The following FRS2 variants were observed in gnomAD, a reference collection of about 807,000 sequenced individuals.
FRS2 encodes the protein FGFR signalling adaptor.
FRS2 carries 8 observed loss-of-function variants against 43.9 expected under a neutral mutation model. The observed-to-expected ratio is 0.18, with a 90% confidence interval of 0.11 to 0.33. The LOEUF is 0.33. Ranked by LOEUF, FRS2 falls within the 10% of genes least tolerant of loss-of-function variation. The probability of loss-of-function intolerance (pLI) is 1.00; values close to 1 mark genes in which losing one functional copy is unlikely to be tolerated. For synonymous variants in FRS2, 219 were observed against 220.3 expected (o/e 0.99, Z 0.05); for missense variants, 534 against 627.6 (o/e 0.85, Z 1.59).
intron 1 of FRS2, among the ~76,000 whole-genome samples, chr12:69,527,800 T>G (rs910804369): frequency 6.6e-6 from 1 of 152,186 alleles, no homozygotes; most frequent in Non-Finnish European, 1.5e-5. Context: ...GATTTCTAAA[T>G]GAGTGGGAGC....
At chr12:69,515,509 A>AGAGG (rs1168038727) in intron 1 of FRS2, among the ~76,000 whole-genome samples, 1 of 152,124 alleles carries the variant, frequency 6.6e-6, no homozygotes, top group Non-Finnish European at 1.5e-5. Flanking sequence ...ACATAAAAGG[A>AGAGG]GAGGGGATAT....
At chr12:69,569,867 A>G (rs1463569402) in intron 5 of FRS2, among the ~76,000 whole-genome samples, 1 of 152,154 alleles carries the variant, frequency 6.6e-6, no homozygotes, top group East Asian at 1.9e-4. Context: ...CTCTGTGCCA[A>G]TCTATTTTGG....
At chr12:69,485,600 A>G (rs1363811144) in intron 1 of FRS2, among the ~76,000 whole-genome samples, 1 of 152,100 alleles carries the variant, frequency 6.6e-6, no homozygotes, top group Non-Finnish European at 1.5e-5. Flanking sequence ...TTCCTGCCTC[A>G]GCCTCCTGAG....
intron 1 of FRS2, among the ~76,000 whole-genome samples, chr12:69,471,532 A>G (rs1870295028): frequency 6.6e-6 from 1 of 152,236 alleles, no homozygotes; most frequent in African/African-American, 2.4e-5. Flanking sequence ...GTGGGCAGAG[A>G]TGTTTTGTTT....
intron 3 of FRS2, among the ~76,000 whole-genome samples, chr12:69,538,197 T>TTATATATATATTTATATATATATA (rs1555189566): frequency 2.4e-5 from 2 of 81,638 alleles, no homozygotes; most frequent in African/African-American, 1.1e-4. Flanking sequence ...AAAACAAATT[T>TTATATATATATTTATATATATATA]TATATATATA....
At chr12:69,545,321 G>C (rs1196389254) in intron 3 of FRS2, among the ~76,000 whole-genome samples, 2 of 152,074 alleles carry the variant, frequency 1.3e-5, no homozygotes, top group Non-Finnish European at 2.9e-5. Context: ...ACTCTCAATA[G>C]CTAAAACAAT....
intron 1 of FRS2, among the ~76,000 whole-genome samples, chr12:69,511,789 G>A (rs1202826438): frequency 6.6e-6 from 1 of 152,196 alleles, no homozygotes; most frequent in Non-Finnish European, 1.5e-5. Flanking sequence ...AATGGGCACA[G>A]TGTTAGTAGT....
intron 3 of FRS2, among the ~76,000 whole-genome samples, chr12:69,533,980 A>G (rs1877046477): frequency 6.6e-6 from 1 of 152,182 alleles, no homozygotes; most frequent in South Asian, 2.1e-4. Context: ...AATAGTAACC[A>G]CTTGGCTTAC....
chr12:69,487,692 A>G (rs1429380208), intron 1 of FRS2, among the ~76,000 whole-genome samples: 1 of 152,248 alleles, frequency 6.6e-6, no homozygotes, highest in Non-Finnish European at 1.5e-5. Flanking sequence ...ATTTTGTAAC[A>G]CTATAGGTGC....
intron 1 of FRS2, among the ~76,000 whole-genome samples, chr12:69,480,793 C>G (rs1592911038): frequency 6.6e-6 from 1 of 152,086 alleles, no homozygotes; most frequent in Admixed American, 6.6e-5. Flanking sequence ...AATATACTTA[C>G]TTTACATTTT....
intron 1 of FRS2, chr12:69,486,230 A>G (rs1480465326): frequency 6.7e-6 from 1 of 150,202 alleles, no homozygotes; most frequent in Non-Finnish European, 1.5e-5. Context: ...CCCTGTATTC[A>G]GAATTCTGTA....
chr12:69,509,849 G>T (rs1328939635), intron 1 of FRS2, among the ~76,000 whole-genome samples: 1 of 152,120 alleles, frequency 6.6e-6, no homozygotes, highest in Admixed American at 6.5e-5. Flanking sequence ...GTCTCAGGAA[G>T]GGTCAGTCAT....
intron 1 of FRS2, among the ~76,000 whole-genome samples, chr12:69,496,202 C>T (rs1228036037): frequency 1.3e-5 from 2 of 151,892 alleles, no homozygotes; most frequent in Non-Finnish European, 2.9e-5. Context: ...TGTGGGAGGC[C>T]GAGGCGGGCG....
chr12:69,535,886 C>T (rs1475803170), intron 3 of FRS2, among the ~76,000 whole-genome samples: 1 of 151,740 alleles, frequency 6.6e-6, no homozygotes, highest in Non-Finnish European at 1.5e-5. Context: ...TGAATGTATG[C>T]TATTAAGTAC....
At chr12:69,551,187 C>G (rs1367377253) in intron 3 of FRS2, among the ~76,000 whole-genome samples, 3 of 152,202 alleles carry the variant, frequency 2.0e-5, no homozygotes, top group African/African-American at 7.2e-5. Context: ...CTTGTCTCTA[C>G]AAAACATTTA....
chr12:69,551,990 A>T (rs902242018), intron 3 of FRS2, among the ~76,000 whole-genome samples: 61 of 152,142 alleles, frequency 4.0e-4, no homozygotes, highest in African/African-American at 1.4e-3. Context: ...TCTCAGTGGT[A>T]TATAAAATAT....
intron 3 of FRS2, among the ~76,000 whole-genome samples, chr12:69,549,964 TCTTA>T (rs1463273319): frequency 6.6e-6 from 1 of 152,172 alleles, no homozygotes; most frequent in East Asian, 1.9e-4. Context: ...CTGCTGTAGG[TCTTA>T]CTTTTCTTCA....
At chr12:69,484,360 A>G (rs974938816) in intron 1 of FRS2, among the ~76,000 whole-genome samples, 9 of 152,266 alleles carry the variant, frequency 5.9e-5, no homozygotes, top group African/African-American at 2.2e-4. Context: ...CTGGGATTAC[A>G]AGTCTGAGCC....
At chr12:69,516,807 C>T (rs750050121) in intron 1 of FRS2, among the ~76,000 whole-genome samples, 60 of 151,976 alleles carry the variant, frequency 3.9e-4, no homozygotes, top group Non-Finnish European at 7.2e-4. Context: ...TGCATAAAAG[C>T]AGTTGATGTT....
Sources: gnomAD v4.1 joint callset for allele counts (sites outside exome capture counted in the v4.1 genomes callset) on GRCh38, gnomAD v4.1.1 for gene constraint, MANE v1.5 for transcripts, NCBI Gene and HGNC (gene_info 2026-07-23, HGNC 2026-07-21) for gene names.